GLB1L2: variants seen among roughly 807,000 people sequenced by gnomAD.
GLB1L2 encodes the protein beta-galactosidase-1-like protein 2.
Under a neutral mutation model 84.1 loss-of-function variants are expected in GLB1L2, and 68 were observed. That is an observed-to-expected ratio of 0.81 (90% CI 0.67 to 0.99). The LOEUF (loss-of-function observed/expected upper bound fraction) is 0.99. Among genes scored for constraint, GLB1L2 ranks in the 50% least tolerant of loss-of-function variants. GLB1L2 has a pLI of 0.00. For missense variants in GLB1L2, 762 were observed against 805.6 expected (o/e 0.95, Z 0.66); for synonymous variants, 290 against 318.0 (o/e 0.91, Z 0.94).
chr11:134,367,157 AG>A, intron 8 of GLB1L2, 99 bp from the exon 9 acceptor site: 7 of 1,008,156 alleles, frequency 6.9e-6, no homozygotes, highest in Non-Finnish European at 1.1e-5. Flanking sequence ...GACAGGGAAG[AG>A]TAGAGAGGGC....
chr11:134,337,589 C>A (rs916716477), intron 1 of GLB1L2, among the ~76,000 whole-genome samples: 1 of 152,220 alleles, frequency 6.6e-6, no homozygotes, highest in South Asian at 2.1e-4. Flanking sequence ...CAAAATATCC[C>A]CAAACAGACA....
chr11:134,375,059 G>C lies in GLB1L2; in HGVS notation c.*1G>C. On this transcript the variant is annotated 3_prime_UTR_variant, in exon 19 of 19. Transcript: ENST00000535456. ...GGGCAGGAACCAGTACATTAAGTGA[G>C]CGGTGGCACCCCCTCCTGCTGGTGC... is the stretch of plus-strand genomic sequence containing the variant. 1 of 1,612,812 alleles carries C rather than the reference G, an allele frequency of 6.2e-7. No homozygotes were observed. The highest frequency in any genetic ancestry group is 1.1e-5 in the South Asian group (1 of 90,798).
chr11:134,366,118 C>T (rs1310351102), intron 8 of GLB1L2, among the ~76,000 whole-genome samples: 2 of 152,238 alleles, frequency 1.3e-5, no homozygotes, highest in Non-Finnish European at 2.9e-5. Flanking sequence ...AGTGGCCTGG[C>T]CCATGGGTGG....
intron 1 of GLB1L2, 40 bp from the exon 2 acceptor site, chr11:134,342,714 C>A: frequency 6.3e-7 from 1 of 1,577,772 alleles, no homozygotes; most frequent in Middle Eastern, 1.9e-4. Flanking sequence ...CTCTCTGCGG[C>A]CCGGAGCCTC....
At chr11:134,344,265 TA>T in intron 2 of GLB1L2, 121 bp from the exon 3 acceptor site, 1 of 1,270,702 alleles carries the variant, frequency 7.9e-7, no homozygotes, top group Non-Finnish European at 1.1e-6. Flanking sequence ...GTTCCAGTCC[TA>T]AAATCATGAA....
At chr11:134,340,013 G>A (rs1004396813) in intron 1 of GLB1L2, among the ~76,000 whole-genome samples, 3 of 152,160 alleles carry the variant, frequency 2.0e-5, no homozygotes, top group Admixed American at 6.5e-5. Context: ...AACTAATCAA[G>A]GGGAGAGGTT....
chr11:134,341,358 C>A (rs1292759603), intron 1 of GLB1L2, among the ~76,000 whole-genome samples: 9 of 150,692 alleles, frequency 6.0e-5, no homozygotes, highest in African/African-American at 2.2e-4. Context: ...CTCCTGCCCA[C>A]AGAACTGGTG....
intron 18 of GLB1L2, 56 bp from the exon 19 acceptor site, chr11:134,374,915 TC>T: frequency 6.5e-7 from 1 of 1,531,466 alleles, no homozygotes; most frequent in East Asian, 2.3e-5. Context: ...TCTCAGCACC[TC>T]CCCTGGCTCC....
At chr11:134,369,726 C>A in intron 10 of GLB1L2, 79 bp from the exon 11 acceptor site, 2 of 1,315,594 alleles carry the variant, frequency 1.5e-6, no homozygotes, top group South Asian at 1.3e-5. Flanking sequence ...GTGGCCCTTC[C>A]AAGCTTCTCC....
chr11:134,359,535 C>T (rs1202602758), intron 7 of GLB1L2: 3 of 165,130 alleles, frequency 1.8e-5, no homozygotes, highest in African/African-American at 7.2e-5. Flanking sequence ...TGCTTTATCT[C>T]CCAGTGCTCC....
intron 1 of GLB1L2, among the ~76,000 whole-genome samples, chr11:134,333,485 G>A (rs1400145444): frequency 6.6e-6 from 1 of 152,220 alleles, no homozygotes; most frequent in Non-Finnish European, 1.5e-5. Context: ...CAAGAGAAAG[G>A]CTAGCGGCTG....
chr11:134,351,288 G>GT (rs1943627908), intron 5 of GLB1L2, among the ~76,000 whole-genome samples: 1 of 149,486 alleles, frequency 6.7e-6, no homozygotes. Context: ...TCATCATGTG[G>GT]TTTTTCCTCT....
At chr11:134,354,826 C>T (rs957158766) in intron 5 of GLB1L2, among the ~76,000 whole-genome samples, 7 of 152,038 alleles carry the variant, frequency 4.6e-5, no homozygotes, top group African/African-American at 1.7e-4. Flanking sequence ...ATAGAGTGTC[C>T]CTGAGTGGTT....
Position 134,338,058 on chromosome 11 carries a change from G to A in GLB1L2, c.87-4696G>A, listed in dbSNP as rs1479117035. The stretch of plus-strand genomic sequence containing the variant: ...ACTCAGATACCAGCTTGCGTATGCT[G>A]GTGGCCAGCCTCGGACTGCGTGAGT... On this transcript the variant is annotated intron_variant, in intron 1 of 18. Transcript: ENST00000535456. The surrounding 1 kb of genome is among the most constrained non-coding windows in gnomAD (Gnocchi z 6.2). Among the ~76,000 whole-genome samples, 1 of 152,198 alleles carries A rather than the reference G, an allele frequency of 6.6e-6. No homozygotes were observed. Among genetic ancestry groups the A allele is most frequent in the Non-Finnish European group, 1.5e-5 (1 of 68,034 alleles).
chr11:134,334,655 A>G lies in GLB1L2; in HGVS notation c.86+2508A>G, dbSNP rs983432622. On this transcript the variant is annotated intron_variant, in intron 1 of 18. Coordinates refer to ENST00000535456, the MANE Select transcript of GLB1L2 (RefSeq NM_001370461.1). This position sits in a 1 kb window ranked among gnomAD's most constrained non-coding sequence, Gnocchi z 4.1. ...TACCTCTCTGTCATCCCTCCCTCCT[A>G]CTCCTCCCTGCTCCCCAGCCCCAAG... 2.7e-5 allele frequency among the ~76,000 whole-genome samples: 4 copies of G among 149,634 alleles called. No homozygotes were observed. The highest frequency in any genetic ancestry group is 9.9e-5 in the African/African-American group (4 of 40,488).
Position 134,342,763 on chromosome 11 carries a change from G to A in GLB1L2, c.96G>A (p.Trp32Ter), listed in dbSNP as rs751348068. Reference sequence around the variant, plus strand: ...GTCTTTGTCTTTCCAGGCTGGACTGGAGCACCCTGGTCCCTCTGCGGCTCC... The same window carrying A: ...GTCTTTGTCTTTCCAGGCTGGACTGAAGCACCCTGGTCCCTCTGCGGCTCC... ...LGFLVLRRLD[W>*]STLVPLRLRH... is the part of the protein sequence containing the mutation. Residue 32 changes from tryptophan (W) to a stop codon, truncating the protein, a stop_gained, in exon 2 of 19, where the codon TGG (tryptophan) becomes TGA (stop). Coordinates refer to ENST00000535456, the MANE Select transcript of GLB1L2 (RefSeq NM_001370461.1). LOFTEE classifies it high-confidence loss of function. 7.4e-6 allele frequency: 12 copies of A among 1,613,758 alleles called. No homozygotes were observed. The highest frequency in any genetic ancestry group is 1.3e-5 in the African/African-American group (1 of 75,060).
chr11:134,367,442 G>C, intron 9 of GLB1L2, 101 bp downstream of exon 9: 1 of 945,762 alleles, frequency 1.1e-6, no homozygotes, highest in South Asian at 1.6e-5. Flanking sequence ...GGGGTGCAAG[G>C]CTGCTGGGAT....
chr11:134,346,924 C>T lies in GLB1L2; in HGVS notation c.450-401C>T, dbSNP rs112414661. ...CTGTCAGGCTTGTTTTTTGGGGTGA[C>T]GCTAGAAGGTTGTGTCTCCTCCTTC... On this transcript the variant is annotated intron_variant, in intron 4 of 18. Transcript: ENST00000535456. 1.4e-3 allele frequency: 268 copies of T among 195,658 alleles called. 1 individual carries two copies. The highest frequency in any genetic ancestry group is 3.1e-3 in the Admixed American group (60 of 19,186). 12.1% of individuals were successfully genotyped at this position (195,658 alleles called of 1,614,324 possible).
Position 134,370,167 on chromosome 11 carries a change from C to A in GLB1L2, c.1109-126C>A. ...GGCCTCAGCAGGTGCTGAGAGCTAG[C>A]CTGTTGTTCCTCTTGGTGCTGGGAC... On this transcript the variant is annotated intron_variant, in intron 11 of 18. Coordinates refer to ENST00000535456, the MANE Select transcript of GLB1L2 (RefSeq NM_001370461.1). This position sits in a 1 kb window ranked among gnomAD's most constrained non-coding sequence, Gnocchi z 4.7. 1.2e-6 allele frequency: 1 copy of A among 844,252 alleles called. No homozygotes were observed. The highest frequency in any genetic ancestry group is 2.0e-6 in the Non-Finnish European group (1 of 499,156). 52.3% of individuals were successfully genotyped at this position (844,252 alleles called of 1,614,324 possible).
Sources: allele counts gnomAD v4.1 joint callset (sites outside exome capture counted in the v4.1 genomes callset), GRCh38; gene constraint gnomAD v4.1.1; non-coding constraint Gnocchi (gnomAD v3.1); transcripts MANE v1.5; gene names NCBI Gene and HGNC (gene_info 2026-07-23, HGNC 2026-07-21).